CSMD1: variants seen among roughly 807,000 people sequenced by gnomAD.
The protein encoded by CSMD1 is CUB and Sushi multiple domains 1.
Under a neutral mutation model 417.5 loss-of-function variants are expected in CSMD1, and 213 were observed. The observed-to-expected ratio is 0.51, with a 90% CI of 0.46 to 0.57. The LOEUF is 0.57. Ranked by LOEUF, CSMD1 falls within the 20% of genes least tolerant of loss-of-function variation. The probability of loss-of-function intolerance (pLI) is 0.00; values close to 1 mark genes in which losing one functional copy is unlikely to be tolerated. For missense variants in CSMD1, 6,923 were observed against 4,529.7 expected (o/e 1.53, Z -15.17); for synonymous variants, 2,862 against 1,736.8 (o/e 1.65, Z -16.11).
intron 3 of CSMD1, among the ~76,000 whole-genome samples, chr8:4,409,464 A>G (rs1482893045): frequency 6.6e-6 from 1 of 152,178 alleles, no homozygotes; most frequent in Non-Finnish European, 1.5e-5. Context: ...AACAGCAAGA[A>G]TGCCTATCTA....
At chr8:4,094,744 C>A (rs1024488204) in intron 3 of CSMD1, among the ~76,000 whole-genome samples, 1 of 152,104 alleles carries the variant, frequency 6.6e-6, no homozygotes, top group South Asian at 2.1e-4. Flanking sequence ...TCCATTCAGA[C>A]AAATGATGGA....
chr8:4,020,986 G>C (rs932828596), intron 4 of CSMD1, among the ~76,000 whole-genome samples: 2 of 152,190 alleles, frequency 1.3e-5, no homozygotes, highest in African/African-American at 2.4e-5. Context: ...TGCCTTATCA[G>C]TCTTTATGAT....
At chr8:4,509,070 G>C (rs1223123017) in intron 2 of CSMD1, among the ~76,000 whole-genome samples, 3 of 151,972 alleles carry the variant, frequency 2.0e-5, no homozygotes, top group Non-Finnish European at 2.9e-5. Flanking sequence ...TGATAGAAGA[G>C]GAGAGTGAAG....
intron 12 of CSMD1, among the ~76,000 whole-genome samples, chr8:3,410,504 T>C (rs1812619196): frequency 6.6e-6 from 1 of 152,158 alleles, no homozygotes; most frequent in South Asian, 2.1e-4. Context: ...GGAGGTCTGA[T>C]GGTTTTCTAA....
intron 11 of CSMD1, among the ~76,000 whole-genome samples, chr8:3,474,045 C>T (rs1817265467): frequency 6.6e-6 from 1 of 151,898 alleles, no homozygotes; most frequent in Non-Finnish European, 1.5e-5. Flanking sequence ...CAAACACCTC[C>T]CTCAACACAT....
In CSMD1 at chr8:3,342,581, A is replaced by T. The variant is rs186333596; in HGVS notation, c.3631+713T>A. Among the ~76,000 whole-genome samples the T allele has an allele frequency of 1.0e-3, 153 of 152,256 alleles. 2 individuals carry two copies. Among genetic ancestry groups the T allele is most frequent in the Non-Finnish European group, 1.8e-3 (121 of 68,022 alleles). Reference sequence around the variant, plus strand: ...GAAAGTGGCAGTTATCACTTTGCAAATTCCTACTTTTGAAACACAGCATCT... The same window carrying T: ...GAAAGTGGCAGTTATCACTTTGCAATTTCCTACTTTTGAAACACAGCATCT... On this transcript the variant is annotated intron_variant, in intron 23 of 69. Coordinates refer to ENST00000635120, the MANE Select transcript of CSMD1 (RefSeq NM_033225.6).
In CSMD1 at chr8:3,998,102, C is replaced by A. The variant is rs1237835924; in HGVS notation, c.619G>T (p.Ala207Ser). 4 of 1,565,526 alleles carry A rather than the reference C, an allele frequency of 2.6e-6. No individual in the cohort carries two copies. Among genetic ancestry groups the A allele is most frequent in the East Asian group, 2.4e-5 (1 of 42,328 alleles). The part of the protein sequence containing the change: ...FPAPFCRAEG[A>S]CGGTLRGTSS... ...GTCCCGCGTAAGGTTCCTCCGCAGG[C>A]TCCCTCAGCTGCAGGGGCAAAAGCA... is the stretch of plus-strand genomic sequence containing the variant. The change falls in exon 5 of 70, where the codon GCC becomes TCC. Residue 207 changes from alanine (A) to serine (S), a missense_variant. Ala to Ser is a moderately conservative substitution (Grantham distance 99, BLOSUM62 1). Transcript: ENST00000635120.
chr8:4,665,441 G>C (rs1484729664), intron 1 of CSMD1, among the ~76,000 whole-genome samples: 3 of 152,186 alleles, frequency 2.0e-5, no homozygotes, highest in African/African-American at 7.2e-5. Flanking sequence ...ATAACCATGA[G>C]AGATTCAAAC....
intron 49 of CSMD1, among the ~76,000 whole-genome samples, chr8:3,063,150 G>C (rs190157725): frequency 3.3e-5 from 5 of 152,100 alleles, no homozygotes; most frequent in African/African-American, 9.7e-5. Flanking sequence ...CTTTGTGGCC[G>C]ATTTCAAAGG....
chr8:3,656,599 C>G (rs764398844), intron 7 of CSMD1, among the ~76,000 whole-genome samples: 5 of 152,146 alleles, frequency 3.3e-5, no homozygotes, highest in Non-Finnish European at 7.4e-5. Context: ...CCTTTACTCT[C>G]CTTTCTTCCT....
chr8:4,974,142 G>A (rs556482152), intron 1 of CSMD1, among the ~76,000 whole-genome samples: 11 of 151,596 alleles, frequency 7.3e-5, no homozygotes, highest in East Asian at 3.9e-4. Flanking sequence ...TCAGCCTCCC[G>A]AGTAGCTGAG....
At chr8:4,906,981 T>C (rs1377036748) in intron 1 of CSMD1, among the ~76,000 whole-genome samples, 1 of 152,236 alleles carries the variant, frequency 6.6e-6, no homozygotes, top group Non-Finnish European at 1.5e-5. Context: ...TATAGCACAA[T>C]TGTACTTATT....
At chr8:4,093,474 A>T (rs949662736) in intron 3 of CSMD1, among the ~76,000 whole-genome samples, 3 of 152,242 alleles carry the variant, frequency 2.0e-5, no homozygotes, top group Admixed American at 1.3e-4. Flanking sequence ...GATATTAAAT[A>T]GAAGTTACAT....
intron 6 of CSMD1, among the ~76,000 whole-genome samples, chr8:3,730,557 G>A (rs1157544861): frequency 2.0e-5 from 3 of 151,942 alleles, no homozygotes; most frequent in African/African-American, 4.8e-5. Flanking sequence ...AAGTGCTACC[G>A]CCAATGAACA....
chr8:4,459,740 T>G (rs976229683), intron 2 of CSMD1, among the ~76,000 whole-genome samples: 1 of 152,210 alleles, frequency 6.6e-6, no homozygotes, highest in Non-Finnish European at 1.5e-5. Flanking sequence ...GGTGGAAATT[T>G]ATTAGTGATT....
chr8:3,496,145 G>C (rs895365180), intron 10 of CSMD1, among the ~76,000 whole-genome samples: 1 of 152,152 alleles, frequency 6.6e-6, no homozygotes, highest in South Asian at 2.1e-4. Flanking sequence ...CTTTGTAAGT[G>C]AGAACATGCG....
At chr8:3,034,237 G>A (rs993781756) in intron 50 of CSMD1, among the ~76,000 whole-genome samples, 1 of 152,188 alleles carries the variant, frequency 6.6e-6, no homozygotes, top group African/African-American at 2.4e-5. Flanking sequence ...GTGGTTTCTG[G>A]CTGATGAAAT....
At chr8:4,180,546 G>T (rs34856349) in intron 3 of CSMD1, among the ~76,000 whole-genome samples, 1,618 of 151,714 alleles carry the variant, frequency 0.011, 12 homozygotes, top group Non-Finnish European at 0.018. Context: ...CCTGCACATT[G>T]TGCACATGTA....
chr8:3,873,521 T>G (rs940050401), intron 5 of CSMD1, among the ~76,000 whole-genome samples: 7 of 151,456 alleles, frequency 4.6e-5, no homozygotes, highest in African/African-American at 1.7e-4. Context: ...CAGGGACACA[T>G]AAAGGGAAAA....
Sources: gnomAD v4.1 joint callset for allele counts (sites outside exome capture counted in the v4.1 genomes callset) on GRCh38, gnomAD v4.1.1 for gene constraint, MANE v1.5 for transcripts, NCBI Gene and HGNC (gene_info 2026-07-23, HGNC 2026-07-21) for gene names.